SLC25A13: variants seen among roughly 807,000 people sequenced by gnomAD.
The protein encoded by SLC25A13 is electrogenic aspartate/glutamate antiporter SLC25A13, mitochondrial.
In SLC25A13, 70 loss-of-function variants were observed where a neutral mutation model predicts 85.5. That is an observed-to-expected ratio of 0.82 (90% CI 0.68 to 1.00). The LOEUF is 1.00. Ranked by LOEUF, SLC25A13 falls within the 50% of genes least tolerant of loss-of-function variation. The pLI, the probability that SLC25A13 is intolerant of heterozygous loss-of-function variation, is 0.00. For missense variants in SLC25A13, 765 were observed against 819.8 expected, an observed-to-expected ratio of 0.93 and a Z score of 0.82; for synonymous variants, 259 against 288.7, an observed-to-expected ratio of 0.90 and a Z score of 1.04.
intron 5 of SLC25A13, among the ~76,000 whole-genome samples, chr7:96,202,881 T>C (rs1269553320): frequency 6.6e-6 from 1 of 152,148 alleles, no homozygotes; most frequent in Non-Finnish European, 1.5e-5. Flanking sequence ...AGAGTCAACC[T>C]TGAGTTCTGC....
At chr7:96,193,750 C>T (rs1228735920) in intron 5 of SLC25A13, among the ~76,000 whole-genome samples, 1 of 152,060 alleles carries the variant, frequency 6.6e-6, no homozygotes, top group African/African-American at 2.4e-5. Context: ...CGTGTGTACC[C>T]CTATTCTCTT....
intron 11 of SLC25A13, 138 bp downstream of exon 11, chr7:96,184,139 C>A: frequency 9.4e-7 from 1 of 1,069,198 alleles, no homozygotes; most frequent in South Asian, 1.3e-5. Context: ...CCAGCCTACT[C>A]CCATTAGCAT....
At chr7:96,151,760 T>C (rs187912153) in intron 13 of SLC25A13, among the ~76,000 whole-genome samples, 237 of 151,512 alleles carry the variant, frequency 1.6e-3, no homozygotes, top group African/African-American at 5.4e-3. Flanking sequence ...CTGGCCAACA[T>C]GGCTAAACCC....
At chr7:96,300,983 C>T (rs796743773) in intron 1 of SLC25A13, among the ~76,000 whole-genome samples, 41 of 152,310 alleles carry the variant, frequency 2.7e-4, no homozygotes, top group African/African-American at 9.6e-4. Flanking sequence ...AGAACACTTA[C>T]ACAACTTAAT....
intron 5 of SLC25A13, among the ~76,000 whole-genome samples, chr7:96,207,782 G>A (rs1213070955): frequency 6.6e-6 from 1 of 152,136 alleles, no homozygotes; most frequent in Non-Finnish European, 1.5e-5. Flanking sequence ...CCAATGATAT[G>A]ATCATATGGG....
chr7:96,139,550 C>T (rs1342300864), intron 14 of SLC25A13, among the ~76,000 whole-genome samples: 1 of 152,112 alleles, frequency 6.6e-6, no homozygotes, highest in Non-Finnish European at 1.5e-5. Flanking sequence ...AAAAATCCTT[C>T]CTTAAATGAG....
intron 9 of SLC25A13, among the ~76,000 whole-genome samples, 199 bp from the exon 10 acceptor site, chr7:96,185,210 A>G (rs1196499464): frequency 1.3e-5 from 2 of 152,274 alleles, no homozygotes; most frequent in Non-Finnish European, 2.9e-5. Flanking sequence ...ATTAATGTTT[A>G]AAACCAAATT....
intron 1 of SLC25A13, among the ~76,000 whole-genome samples, chr7:96,305,928 T>C (rs1455655138): frequency 6.6e-6 from 1 of 152,238 alleles, no homozygotes; most frequent in Non-Finnish European, 1.5e-5. Context: ...TCTGCACAGC[T>C]GGAGGCTCAT....
At chr7:96,157,350 T>A (rs960081609) in intron 13 of SLC25A13, among the ~76,000 whole-genome samples, 2 of 152,200 alleles carry the variant, frequency 1.3e-5, no homozygotes, top group Non-Finnish European at 2.9e-5. Context: ...TATCACTGCG[T>A]CTTTCACTCA....
intron 14 of SLC25A13, among the ~76,000 whole-genome samples, chr7:96,142,785 A>G (rs1354785829): frequency 6.6e-6 from 1 of 152,196 alleles, no homozygotes; most frequent in Non-Finnish European, 1.5e-5. Context: ...TAAACTAAAA[A>G]AATCAATCTC....
Position 96,270,183 on chromosome 7 carries a change from G to A in SLC25A13, c.212+7013C>T, listed in dbSNP as rs535019664. Among the ~76,000 whole-genome samples the A allele has an allele frequency of 7.2e-5, 11 of 152,252 alleles. No individual in the cohort carries two copies. The South Asian group carries it at 2.1e-3, about 29-fold the overall frequency. ...TGGACATGCTAATTAGCTTGCTTTA[G>A]CCATTCTACAATGTATACATATTTC... On this transcript the variant is annotated intron_variant, in intron 3 of 17. Coordinates refer to ENST00000265631, the MANE Select transcript of SLC25A13 (RefSeq NM_014251.3).
chr7:96,311,137 T>C (rs1008673818), intron 1 of SLC25A13, among the ~76,000 whole-genome samples: 3 of 152,198 alleles, frequency 2.0e-5, no homozygotes, highest in African/African-American at 7.2e-5. Flanking sequence ...AAAATCACTT[T>C]TAACTCAATG....
chr7:96,287,615 A>G (rs1019271331), intron 2 of SLC25A13, among the ~76,000 whole-genome samples: 11 of 152,188 alleles, frequency 7.2e-5, no homozygotes, highest in Non-Finnish European at 1.6e-4. Context: ...TTCCAAACTA[A>G]GGTCTCAGCC....
chr7:96,154,586 T>C (rs1254500413), intron 13 of SLC25A13, among the ~76,000 whole-genome samples: 2 of 152,110 alleles, frequency 1.3e-5, no homozygotes, highest in African/African-American at 2.4e-5. Flanking sequence ...CGTGAGCCAC[T>C]GCATCCGGCC....
intron 1 of SLC25A13, among the ~76,000 whole-genome samples, chr7:96,307,808 C>T (rs558133046): frequency 1.3e-5 from 2 of 152,230 alleles, no homozygotes; most frequent in South Asian, 4.1e-4. Context: ...CCAGATTCCC[C>T]TCATAGAATG....
intron 4 of SLC25A13, among the ~76,000 whole-genome samples, chr7:96,231,857 C>T (rs1433482442): frequency 1.3e-5 from 2 of 152,014 alleles, no homozygotes; most frequent in Non-Finnish European, 2.9e-5. Flanking sequence ...CAAATCAAAA[C>T]TACAACTAGA....
intron 13 of SLC25A13, among the ~76,000 whole-genome samples, chr7:96,147,548 C>T (rs1432488696): frequency 4.6e-5 from 7 of 152,194 alleles, no homozygotes; most frequent in Non-Finnish European, 1.0e-4. Context: ...CAAGCAATTA[C>T]ATTCTTTCTT....
rs534350300 is a variant in SLC25A13 at position 96,317,808 on chromosome 7, T to TA, written c.15+4133_15+4134insT. ...TTTTATTATTTTATTTTACTTTATTTTATTTTTTTTTGAGACAGGATCTCG... is the reference window on the plus strand; with the variant it reads ...TTTTATTATTTTATTTTACTTTATTTATATTTTTTTTTGAGACAGGATCTCG... On this transcript the variant is annotated intron_variant, in intron 1 of 17. Transcript: ENST00000265631. Among the ~76,000 whole-genome samples, 26 of 148,500 alleles carry TA rather than the reference T, an allele frequency of 1.8e-4. No individual in the cohort carries two copies. The South Asian group carries it at 3.6e-3, about 20-fold the overall frequency.
At chr7:96,173,427 C>A (rs985080938) in intron 11 of SLC25A13, among the ~76,000 whole-genome samples, 3 of 152,112 alleles carry the variant, frequency 2.0e-5, no homozygotes, top group Admixed American at 6.5e-5. Context: ...CCATCTTACT[C>A]AAAAAATCTG....
Sources: gnomAD v4.1 joint callset for allele counts (sites outside exome capture counted in the v4.1 genomes callset) on GRCh38, gnomAD v4.1.1 for gene constraint, MANE v1.5 for transcripts, NCBI Gene and HGNC (gene_info 2026-07-23, HGNC 2026-07-21) for gene names.